The following TMEM86B variants were observed in gnomAD, a reference collection of about 807,000 sequenced individuals.
The protein encoded by TMEM86B is lysoplasmalogenase TMEM86B.
TMEM86B carries 15 observed loss-of-function variants against 12.3 expected under a neutral mutation model. The ratio of observed to expected loss-of-function variants is 1.22; its 90% CI spans 0.81 to 1.87. TMEM86B has a LOEUF of 1.87. Ranked by LOEUF, TMEM86B falls within the 40% of genes most tolerant of loss-of-function variation. The probability of loss-of-function intolerance (pLI) is 0.00; values close to 1 mark genes in which losing one functional copy is unlikely to be tolerated. For synonymous variants in TMEM86B, 173 were observed against 140.3 expected (o/e 1.23, Z -1.65); for missense variants, 328 against 297.4 (o/e 1.10, Z -0.76).
Position 55,227,345 on chromosome 19 carries a change from C to G in TMEM86B, c.517G>C (p.Gly173Arg), listed in dbSNP as rs149266330. The change falls in exon 3 of 3, where the codon GGC becomes CGC. Residue 173 changes from glycine (G) to arginine (R), a missense_variant. Transcript: ENST00000327042. ...AGCGTGAAGAGCAGCGCGCCCCAGC[C>G]GGCACTCCCGCCCTGGGCCAGGCCG... ...WRGLAQGGSA[G>R]WGALLFTLSD... is the part of the protein sequence containing the mutation. 1 of 1,603,978 alleles carries G rather than the reference C, an allele frequency of 6.2e-7. No individual in the cohort carries two copies. Among genetic ancestry groups the G allele is most frequent in the Non-Finnish European group, 8.5e-7 (1 of 1,174,998 alleles).
At chr19:55,228,011 T>G in intron 2 of TMEM86B, 180 bp downstream of exon 2, 2 of 1,111,072 alleles carry the variant, frequency 1.8e-6, no homozygotes, top group Non-Finnish European at 2.5e-6. Context: ...GCTACTGCCC[T>G]AACACCGCCT....
rs984159375 is a variant in TMEM86B at position 55,227,515 on chromosome 19, C to T, written c.347G>A (p.Gly116Asp). The change falls in exon 3 of 3, where the codon GGC becomes GAC. Residue 116 changes from glycine to aspartate, a missense_variant. Transcript: ENST00000327042. ...TAHLLYVWAF[G>D]FSPLQPGLLL... ...CAGGCCGGGCTGCAGGGGAGAGAAGCCGAAGGCCCAGACGTAGAGGAGGTG... is the reference window on the plus strand; with the variant it reads ...CAGGCCGGGCTGCAGGGGAGAGAAGTCGAAGGCCCAGACGTAGAGGAGGTG... The T allele has an allele frequency of 6.5e-7, 1 of 1,548,978 alleles. No homozygotes were observed. The highest frequency in any genetic ancestry group is 8.7e-7 in the Non-Finnish European group (1 of 1,145,620).
At chr19:55,228,033 T>C in intron 2 of TMEM86B, 158 bp downstream of exon 2, 5 of 1,301,896 alleles carry the variant, frequency 3.8e-6, no homozygotes, top group Non-Finnish European at 5.1e-6. Flanking sequence ...CCCCCACCCC[T>C]CGCTGGAGCG....
At chr19:55,228,066 C>T (rs899962686) in intron 2 of TMEM86B, 125 bp downstream of exon 2, 64 of 1,426,246 alleles carry the variant, frequency 4.5e-5, no homozygotes, top group Middle Eastern at 2.6e-4. Context: ...GTCACGGCTG[C>T]GCCCCCCACT....
chr19:55,228,039 G>A, intron 2 of TMEM86B, 152 bp downstream of exon 2: 1 of 1,335,550 alleles, frequency 7.5e-7, no homozygotes, highest in Non-Finnish European at 9.9e-7. Flanking sequence ...CCCCTCGCTG[G>A]AGCGTGAGCT....
At chr19:55,228,068 C>A in intron 2 of TMEM86B, 123 bp downstream of exon 2, 2 of 1,432,192 alleles carry the variant, frequency 1.4e-6, no homozygotes, top group African/African-American at 2.8e-5. Flanking sequence ...CACGGCTGCG[C>A]CCCCCACTGT....
chr19:55,227,524 C>A lies in TMEM86B; in HGVS notation c.338G>T (p.Trp113Leu), dbSNP rs961311065. 1.3e-6 allele frequency: 2 copies of A among 1,547,046 alleles called. No homozygotes were observed. Among genetic ancestry groups the A allele is most frequent in the Non-Finnish European group, 1.7e-6 (2 of 1,144,344 alleles). The change falls in exon 3 of 3, where the codon TGG (tryptophan) becomes TTG (leucine). Residue 113 changes from tryptophan (W) to leucine (L), a missense_variant. Coordinates refer to ENST00000327042, the MANE Select transcript of TMEM86B (RefSeq NM_173804.5). Reference protein sequence around the residue: ...AFATAHLLYVWAFGFSPLQPG... With the variant: ...AFATAHLLYVLAFGFSPLQPG... ...CTGCAGGGGAGAGAAGCCGAAGGCCCAGACGTAGAGGAGGTGGGCGGTGGC... is the reference window on the plus strand; with the variant it reads ...CTGCAGGGGAGAGAAGCCGAAGGCCAAGACGTAGAGGAGGTGGGCGGTGGC...
At position 55,227,244 on chromosome 19, in the gene TMEM86B, G is replaced by A. The variant is rs1301783553; in HGVS notation, c.618C>T (p.Tyr206=). Residue 206 remains tyrosine, a synonymous_variant, in exon 3 of 3, where the codon TAC becomes TAT. Transcript: ENST00000327042. ...PHAHLVIMTT[Y]YAAQLLITLS... is the part of the protein sequence containing the mutation. The stretch of plus-strand genomic sequence containing the variant: ...GTGTGATGAGGAGCTGGGCAGCATA[G>A]TAGGTGGTCATGATCACCAGGTGGG... 8 of 1,596,656 alleles carry A rather than the reference G, an allele frequency of 5.0e-6. No homozygotes were observed. The South Asian group carries it at 9.0e-5, about 18-fold the overall frequency.
At position 55,228,365 on chromosome 19, in the gene TMEM86B, C is replaced by T. The variant is rs1056124328; in HGVS notation, c.124G>A (p.Glu42Lys). 1.2e-5 allele frequency: 19 copies of T among 1,613,744 alleles called. No individual in the cohort carries two copies. The highest frequency in any genetic ancestry group is 1.5e-5 in the Non-Finnish European group (18 of 1,180,010). Reference protein sequence around the residue: ...CCVYFCLWIPEDQLSWFAALV... With the variant: ...CCVYFCLWIPKDQLSWFAALV... ...GCAGCGAACCAGGACAGCTGGTCCT[C>T]GGGAATCCAGAGGCAGAAGTACACG... The change falls in exon 2 of 3, where the codon GAG (glutamate) becomes AAG (lysine). Residue 42 changes from glutamate to lysine, a missense_variant. Physicochemically the swap from Glu to Lys is moderately conservative, Grantham distance 56. Coordinates refer to ENST00000327042, the MANE Select transcript of TMEM86B (RefSeq NM_173804.5).
chr19:55,227,091 C>A lies in TMEM86B; in HGVS notation c.*90G>T, dbSNP rs758893768. 2.4e-5 allele frequency: 32 copies of A among 1,331,548 alleles called. No individual in the cohort carries two copies. The highest frequency in any genetic ancestry group is 3.1e-5 in the Non-Finnish European group (32 of 1,028,676). 82.5% of individuals were successfully genotyped at this position (1,331,548 alleles called of 1,614,324 possible). ...AGACAGGCGTCAGGAAGCTTCGCTG[C>A]TGAGGGTATTTCTCAGGCTGGGCTG... On this transcript the variant is annotated 3_prime_UTR_variant, in exon 3 of 3. Coordinates refer to ENST00000327042, the MANE Select transcript of TMEM86B (RefSeq NM_173804.5).
rs780812467 is a variant in TMEM86B at position 55,227,161 on chromosome 19, C to T, written c.*20G>A. Reference sequence around the variant, plus strand: ...TTGCAGGAGGAGAGGGCCTGAACACCGGCCCTTCAAGCTCCCTAGTCAGTC... The same window carrying T: ...TTGCAGGAGGAGAGGGCCTGAACACTGGCCCTTCAAGCTCCCTAGTCAGTC... On this transcript the variant is annotated 3_prime_UTR_variant, in exon 3 of 3. Coordinates refer to ENST00000327042, the MANE Select transcript of TMEM86B (RefSeq NM_173804.5). 3.1e-5 allele frequency: 45 copies of T among 1,460,908 alleles called. No homozygotes were observed. Among genetic ancestry groups the T allele is most frequent in the Admixed American group, 7.5e-5 (3 of 39,880 alleles). 90.5% of individuals were successfully genotyped at this position (1,460,908 alleles called of 1,614,324 possible). A position where few individuals can be genotyped will look rare whatever the true frequency, so the allele number is the denominator to read the frequency against.
At chr19:55,228,668 G>A in intron 1 of TMEM86B, 23 bp downstream of exon 1, 1 of 1,606,130 alleles carries the variant, frequency 6.2e-7, no homozygotes, top group Non-Finnish European at 8.5e-7. Flanking sequence ...CCCAGCCCCA[G>A]GCACAGCTCA....
chr19:55,228,042 C>A, intron 2 of TMEM86B, 149 bp downstream of exon 2: 1 of 1,349,844 alleles, frequency 7.4e-7, no homozygotes. Context: ...CTCGCTGGAG[C>A]GTGAGCTGCC....
Position 55,228,243 on chromosome 19 carries a change from C to T in TMEM86B, c.246G>A (p.Val82=), listed in dbSNP as rs1257536418. ...GYTQLLQGAL[V]CSAVGDACLI... is the part of the protein sequence containing the mutation. ...GGCAAGCGTCCCCCACAGCCGAGCA[C>T]ACAAGGGCTCCCTGGAGGAGCTGGG... The change falls in exon 2 of 3, where the codon GTG becomes GTA. Residue 82 remains valine, a synonymous_variant. Coordinates refer to ENST00000327042, the MANE Select transcript of TMEM86B (RefSeq NM_173804.5). 2 of 1,612,448 alleles carry T rather than the reference C, an allele frequency of 1.2e-6. No individual in the cohort carries two copies. Among genetic ancestry groups the T allele is most frequent in the African/African-American group, 1.3e-5 (1 of 74,922 alleles).
chr19:55,227,078 G>A lies in TMEM86B; in HGVS notation c.*103C>T, dbSNP rs2087288001. 12 of 1,288,400 alleles carry A rather than the reference G, an allele frequency of 9.3e-6. No homozygotes were observed. Among genetic ancestry groups the A allele is most frequent in the African/African-American group, 1.5e-5 (1 of 65,698 alleles). 79.8% of individuals were successfully genotyped at this position (1,288,400 alleles called of 1,614,324 possible). A position where few individuals can be genotyped will look rare whatever the true frequency, so the allele number is the denominator to read the frequency against. On this transcript the variant is annotated 3_prime_UTR_variant, in exon 3 of 3. Coordinates refer to ENST00000327042, the MANE Select transcript of TMEM86B (RefSeq NM_173804.5). ...CAGCGGCGCCTGCAGACAGGCGTCA[G>A]GAAGCTTCGCTGCTGAGGGTATTTC...
At position 55,227,039 on chromosome 19, in the gene TMEM86B, A is replaced by C. The variant is rs1179087342; in HGVS notation, c.*142T>G. ...AAATCGTCCTCAAACGTCTTCAGCC[A>C]GAAGCGACGGCGGCAGCGGCGCCTG... is the stretch of plus-strand genomic sequence containing the variant. On this transcript the variant is annotated 3_prime_UTR_variant, in exon 3 of 3. Coordinates refer to ENST00000327042, the MANE Select transcript of TMEM86B (RefSeq NM_173804.5). 4 of 1,005,414 alleles carry C rather than the reference A, an allele frequency of 4.0e-6. No homozygotes were observed. The highest frequency in any genetic ancestry group is 5.3e-6 in the Non-Finnish European group (4 of 749,584). The allele number at this position is 1,005,414 out of a possible 1,614,324, so 62.3% of individuals were successfully genotyped here. A position where few individuals can be genotyped will look rare whatever the true frequency, so the allele number is the denominator to read the frequency against.
rs1600100120 is a variant in TMEM86B at position 55,228,410 on chromosome 19, G to A, written c.79C>T (p.Pro27Ser). The change falls in exon 2 of 3, where the codon CCC (proline) becomes TCC (serine). Residue 27 changes from proline to serine, a missense_variant. Transcript: ENST00000327042. Reference sequence around the variant, plus strand: ...TACACGCAGCAGGAGAGGATGAAGGGGCTCAGCCACCTGCAGACATCTGGG... The same window carrying A: ...TACACGCAGCAGGAGAGGATGAAGGAGCTCAGCCACCTGCAGACATCTGGG... ...QRPDVCRWLS[P>S]FILSCCVYFC... is the part of the protein sequence containing the mutation. 2 of 1,613,186 alleles carry A rather than the reference G, an allele frequency of 1.2e-6. No individual in the cohort carries two copies. Among genetic ancestry groups the A allele is most frequent in the Non-Finnish European group, 1.7e-6 (2 of 1,180,008 alleles).
At chr19:55,227,666 G>C (rs1017040959) in intron 2 of TMEM86B, 103 bp from the exon 3 acceptor site, 2 of 1,393,400 alleles carry the variant, frequency 1.4e-6, no homozygotes, top group East Asian at 5.0e-5. Context: ...AGAGCACCAG[G>C]CCCCACCCTG....
At chr19:55,228,052 C>T (rs1568940388) in intron 2 of TMEM86B, 139 bp downstream of exon 2, 1 of 1,396,652 alleles carries the variant, frequency 7.2e-7, no homozygotes, top group East Asian at 2.5e-5. Flanking sequence ...CGTGAGCTGC[C>T]TCGGTCACGG....
Sources: gnomAD v4.1 joint callset for allele counts on GRCh38, gnomAD v4.1.1 for gene constraint, MANE v1.5 for transcripts, NCBI Gene and HGNC (gene_info 2026-07-23, HGNC 2026-07-21) for gene names.